XPO7: variants seen among roughly 807,000 people sequenced by gnomAD.
XPO7 encodes the protein exportin-7.
Under a neutral mutation model 144.3 loss-of-function variants are expected in XPO7, and 21 were observed. That is an observed-to-expected ratio of 0.15 (90% CI 0.10 to 0.21). The LOEUF is 0.21. Ranked by LOEUF, XPO7 falls within the 10% of genes least tolerant of loss-of-function variation. The pLI, the probability that XPO7 is intolerant of heterozygous loss-of-function variation, is 1.00. For synonymous variants in XPO7, 580 were observed against 499.6 expected, an observed-to-expected ratio of 1.16 and a Z score of -2.15; for missense variants, 808 against 1,325.8, an observed-to-expected ratio of 0.61 and a Z score of 6.06.
intron 4 of XPO7, 36 bp downstream of exon 4, chr8:21,970,346 G>A (rs1378198688): frequency 3.2e-6 from 5 of 1,587,192 alleles, no homozygotes; most frequent in Non-Finnish European, 4.3e-6. Flanking sequence ...GGGAATGGGA[G>A]AACCAGCATA....
intron 1 of XPO7, among the ~76,000 whole-genome samples, chr8:21,957,190 G>A (rs1040318976): frequency 6.6e-6 from 1 of 151,954 alleles, no homozygotes; most frequent in Non-Finnish European, 1.5e-5. Context: ...AAGACTCAGC[G>A]GCACTCCCAC....
chr8:21,962,772 C>T (rs1811765665), intron 1 of XPO7, among the ~76,000 whole-genome samples: 1 of 152,184 alleles, frequency 6.6e-6, no homozygotes, highest in Non-Finnish European at 1.5e-5. Flanking sequence ...ACTGTTTTGC[C>T]ATTCACCTTC....
intron 14 of XPO7, 70 bp downstream of exon 14, chr8:21,987,346 A>G: frequency 6.3e-7 from 1 of 1,589,400 alleles, no homozygotes; most frequent in African/African-American, 1.3e-5. Flanking sequence ...GGAGGGAAAC[A>G]GTTGCTGATA....
At chr8:21,968,826 C>CT (rs1811963844) in intron 2 of XPO7, among the ~76,000 whole-genome samples, 1 of 152,186 alleles carries the variant, frequency 6.6e-6, no homozygotes, top group African/African-American at 2.4e-5. Context: ...ACATGGAATG[C>CT]TTTGAGTCTC....
chr8:21,959,559 G>T (rs1811652219), intron 1 of XPO7, among the ~76,000 whole-genome samples: 1 of 152,132 alleles, frequency 6.6e-6, no homozygotes, highest in African/African-American at 2.4e-5. Context: ...GGTCACTGAA[G>T]TTGTTTGTGG....
At position 21,976,399 on chromosome 8, in the gene XPO7, G is replaced by A. The variant is rs1812225084; in HGVS notation, c.641G>A (p.Gly214Asp). The change falls in exon 7 of 28, where the codon GGC (glycine) becomes GAC (aspartate). Residue 214 changes from glycine (G) to aspartate (D), a missense_variant. This residue lies in a region of XPO7 where 223 missense variants were observed against 368.8 expected (regional missense o/e 0.60). Coordinates refer to ENST00000252512, the MANE Select transcript of XPO7 (RefSeq NM_015024.5). ...AACTTGAATGATGAAAGTCAGCATG[G>A]CTTGCTCATGCAACTGCTCAAGCTC... ...NLNLNDESQH[G>D]LLMQLLKLTH... is the part of the protein sequence containing the mutation. The A allele has an allele frequency of 6.2e-7, 1 of 1,613,820 alleles. No individual in the cohort carries two copies. Among genetic ancestry groups the A allele is most frequent in the Non-Finnish European group, 8.5e-7 (1 of 1,179,878 alleles).
intron 1 of XPO7, among the ~76,000 whole-genome samples, chr8:21,934,083 A>T (rs1438935548): frequency 6.6e-6 from 1 of 152,346 alleles, no homozygotes; most frequent in African/African-American, 2.4e-5. Flanking sequence ...CATAGTAGAG[A>T]TAAAGCAGAG....
chr8:21,950,895 G>T (rs1256020403), intron 1 of XPO7, among the ~76,000 whole-genome samples: 1 of 151,904 alleles, frequency 6.6e-6, no homozygotes, highest in East Asian at 1.9e-4. Flanking sequence ...GCTGAGGAGG[G>T]TGGATCACTT....
chr8:21,978,383 G>A (rs1332058231), intron 8 of XPO7, among the ~76,000 whole-genome samples: 1 of 152,128 alleles, frequency 6.6e-6, no homozygotes, highest in African/African-American at 2.4e-5. Flanking sequence ...TCAGATTGTT[G>A]GTGTAAATTA....
rs370764155 is a variant in XPO7 at position 22,005,121 on chromosome 8, G to A, written c.*33G>A. On this transcript the variant is annotated 3_prime_UTR_variant, in exon 28 of 28. Coordinates refer to ENST00000252512, the MANE Select transcript of XPO7 (RefSeq NM_015024.5). ...TTGGACTCTACCTGTACAGAGCAGC[G>A]TCCCTTTGGTTTGGCCCAGAGGGGC... 267 of 1,559,990 alleles carry A rather than the reference G, an allele frequency of 1.7e-4. 1 individual carries two copies. In the African/African-American group the frequency reaches 2.2e-3, roughly 13 times the overall value.
chr8:22,002,087 C>T (rs758348045), intron 24 of XPO7, 25 bp from the exon 25 acceptor site: 13 of 1,591,832 alleles, frequency 8.2e-6, no homozygotes, highest in Non-Finnish European at 1.1e-5. Flanking sequence ...CAGCTCTGTC[C>T]TACCCCTGCC....
At chr8:22,003,034 A>G (rs940254578) in intron 25 of XPO7, 185 bp from the exon 26 acceptor site, 7 of 447,850 alleles carry the variant, frequency 1.6e-5, no homozygotes, top group African/African-American at 4.1e-5. Flanking sequence ...AAGGAAATGA[A>G]TATCTTAGAA....
chr8:21,993,143 C>G (rs1276374396), intron 19 of XPO7, among the ~76,000 whole-genome samples: 1 of 150,556 alleles, frequency 6.6e-6, no homozygotes, highest in Non-Finnish European at 1.5e-5. Context: ...GAACATATTA[C>G]CAACTTTAGG....
intron 24 of XPO7, among the ~76,000 whole-genome samples, chr8:22,001,518 T>G (rs975283400): frequency 6.6e-6 from 1 of 152,102 alleles, no homozygotes; most frequent in African/African-American, 2.4e-5. Flanking sequence ...AGAGATGCTT[T>G]GGAGATAAAC....
At chr8:21,997,485 G>A (rs1812990931) in intron 21 of XPO7, among the ~76,000 whole-genome samples, 1 of 152,184 alleles carries the variant, frequency 6.6e-6, no homozygotes, top group South Asian at 2.1e-4. Context: ...GCAAAGATAA[G>A]GAGTCTTCTA....
intron 18 of XPO7, 73 bp downstream of exon 18, chr8:21,990,992 C>T (rs1812755037): frequency 1.4e-6 from 2 of 1,394,084 alleles, no homozygotes; most frequent in South Asian, 1.2e-5. Context: ...GGACTGAAAA[C>T]TAGATGTTGG....
chr8:21,961,892 C>T (rs1811736811), intron 1 of XPO7, among the ~76,000 whole-genome samples: 1 of 152,162 alleles, frequency 6.6e-6, no homozygotes, highest in South Asian at 2.1e-4. Flanking sequence ...CAAACTGCAG[C>T]TGTCATGTGA....
intron 1 of XPO7, among the ~76,000 whole-genome samples, chr8:21,947,076 T>C (rs1353228175): frequency 6.6e-6 from 1 of 152,214 alleles, no homozygotes; most frequent in Non-Finnish European, 1.5e-5. Flanking sequence ...TAGAAGTGTT[T>C]GGTTATGAAA....
intron 11 of XPO7, among the ~76,000 whole-genome samples, chr8:21,983,107 A>G (rs891402774): frequency 2.0e-5 from 3 of 152,202 alleles, no homozygotes; most frequent in South Asian, 2.1e-4. Context: ...TTTTCTTTCA[A>G]TGTGAGAAAC....
Sources: allele counts gnomAD v4.1 joint callset (sites outside exome capture counted in the v4.1 genomes callset), GRCh38; gene constraint gnomAD v4.1.1; regional missense constraint gnomAD v4.1.1; transcripts MANE v1.5; gene names NCBI Gene and HGNC (gene_info 2026-07-23, HGNC 2026-07-21).